BIRC6: variants seen among roughly 807,000 people sequenced by gnomAD.
The protein encoded by BIRC6 is dual E2 ubiquitin-conjugating enzyme/E3 ubiquitin-protein ligase BIRC6.
A neutral mutation model predicts 503.3 loss-of-function variants in BIRC6; 98 were observed. That is an observed-to-expected ratio of 0.19 (90% CI 0.17 to 0.23). BIRC6 has a LOEUF of 0.23. BIRC6 is among the 10% of genes least tolerant of loss of function. The probability of loss-of-function intolerance (pLI) is 1.00; values close to 1 mark genes in which losing one functional copy is unlikely to be tolerated. For missense variants in BIRC6, 5,360 were observed against 5,806.0 expected (o/e 0.92, Z 2.50); for synonymous variants, 2,240 against 2,078.7 (o/e 1.08, Z -2.11).
chr2:32,509,916 C>T lies in BIRC6; in HGVS notation c.10159C>T (p.Leu3387=), dbSNP rs777785899. The T allele has an allele frequency of 6.2e-7, 1 of 1,613,956 alleles. No homozygotes were observed. Among genetic ancestry groups the T allele is most frequent in the Non-Finnish European group, 8.5e-7 (1 of 1,179,872 alleles). ...CGAGGTTGTGCTTGTAAAGATAGGA[C>T]TGCAGTCTACTAGAATTGGCCTGAA... ...NIEVVLVKIG[L]QSTRIGLKLI... The change falls in exon 52 of 74, where the codon CTG becomes TTG. Residue 3387 remains leucine, a synonymous_variant. Transcript: ENST00000421745.
chr2:32,575,404 C>T (rs770856511), intron 66 of BIRC6, 38 bp downstream of exon 66: 3 of 1,584,040 alleles, frequency 1.9e-6, no homozygotes, highest in Non-Finnish European at 2.6e-6. Context: ...GAGTTTGCCT[C>T]TAACAATGTT....
chr2:32,585,195 G>C (rs1310093779), intron 66 of BIRC6, among the ~76,000 whole-genome samples: 1 of 152,102 alleles, frequency 6.6e-6, no homozygotes. Flanking sequence ...GACAACCTGT[G>C]AAAAGATGTT....
At chr2:32,422,706 TCTAA>T (rs1195157801) in intron 10 of BIRC6, among the ~76,000 whole-genome samples, 4 of 152,206 alleles carry the variant, frequency 2.6e-5, no homozygotes, top group African/African-American at 7.2e-5. Context: ...GATACCAAAC[TCTAA>T]CTAGTTTTGG....
chr2:32,468,518 G>T lies in BIRC6; in HGVS notation c.5862G>T (p.Gln1954His). The change falls in exon 29 of 74, where the codon CAG becomes CAT. Residue 1954 changes from glutamine (Q) to histidine (H), a missense_variant. Coordinates refer to ENST00000421745, the MANE Select transcript of BIRC6 (RefSeq NM_016252.4). Reference sequence around the variant, plus strand: ...CTCTAAACAGTGCTAACAATGCACAGTACTTTTTACGAAAACCAGATAAGG... The same window carrying T: ...CTCTAAACAGTGCTAACAATGCACATTACTTTTTACGAAAACCAGATAAGG... ...LPPLNSANNAQYFLRKPDKAV... is the reference protein window; with the variant it reads ...LPPLNSANNAHYFLRKPDKAV... 1 of 1,613,978 alleles carries T rather than the reference G, an allele frequency of 6.2e-7. No individual in the cohort carries two copies. Among genetic ancestry groups the T allele is most frequent in the Non-Finnish European group, 8.5e-7 (1 of 1,179,876 alleles).
chr2:32,547,258 C>A (rs567652263), intron 63 of BIRC6, among the ~76,000 whole-genome samples: 1 of 152,188 alleles, frequency 6.6e-6, no homozygotes, highest in South Asian at 2.1e-4. Context: ...ACTTTTTAGG[C>A]TCTAAGGTGG....
At chr2:32,489,033 T>A (rs947351828) in intron 42 of BIRC6, among the ~76,000 whole-genome samples, 26 of 152,128 alleles carry the variant, frequency 1.7e-4, no homozygotes, top group Admixed American at 3.9e-4. Flanking sequence ...TTTTATTATT[T>A]TTTTTTTTCA....
Position 32,473,134 on chromosome 2 carries a change from C to A in BIRC6, c.6615C>A (p.Asn2205Lys). 1 of 1,577,796 alleles carries A rather than the reference C, an allele frequency of 6.3e-7. No homozygotes were observed. The highest frequency in any genetic ancestry group is 8.6e-7 in the Non-Finnish European group (1 of 1,160,270). Reference protein sequence around the residue: ...PLNGNQWSFINNNLHTQSLNR... With the variant: ...PLNGNQWSFIKNNLHTQSLNR... The stretch of plus-strand genomic sequence containing the variant: ...TAGGTAATCAGTGGAGTTTTATTAA[C>A]AATAATCTACACACTCAGAGCTTAA... Residue 2205 changes from asparagine to lysine, a missense_variant, in exon 33 of 74, where the codon AAC (asparagine) becomes AAA (lysine). Asn to Lys is a moderately conservative substitution (Grantham distance 94). Transcript: ENST00000421745.
chr2:32,366,378 T>C (rs553296786), intron 1 of BIRC6, among the ~76,000 whole-genome samples: 67 of 152,304 alleles, frequency 4.4e-4, no homozygotes, highest in African/African-American at 1.6e-3. Flanking sequence ...TCTTTTTGGA[T>C]TTGTTCAATA....
At position 32,469,499 on chromosome 2, in the gene BIRC6, A is replaced by T; in HGVS notation, c.6232A>T (p.Thr2078Ser). The change falls in exon 30 of 74, where the codon ACT becomes TCT. Residue 2078 changes from threonine (T) to serine (S), a missense_variant. By Grantham distance (58) the Thr-to-Ser change is moderately conservative. Coordinates refer to ENST00000421745, the MANE Select transcript of BIRC6 (RefSeq NM_016252.4). ...TGGAACCCCAAAGATACGGTTACAT[A>T]CTGGTCTTCTTCTTGTTCAACTGTG... ...ISGTPKIRLH[T>S]GLLLVQLCGG... The T allele has an allele frequency of 1.2e-6, 2 of 1,613,900 alleles. No individual in the cohort carries two copies. Among genetic ancestry groups the T allele is most frequent in the Non-Finnish European group, 1.7e-6 (2 of 1,179,804 alleles).
intron 72 of BIRC6, 23 bp downstream of exon 72, chr2:32,607,666 A>G: frequency 6.4e-7 from 1 of 1,569,900 alleles, no homozygotes; most frequent in South Asian, 1.2e-5. Context: ...AAATTAGTGA[A>G]ATACTTTGTT....
chr2:32,606,600 T>G (rs1241632257), intron 71 of BIRC6, among the ~76,000 whole-genome samples: 1 of 151,454 alleles, frequency 6.6e-6, no homozygotes, highest in Non-Finnish European at 1.5e-5. Flanking sequence ...CTCAAAGAAA[T>G]AAATAAGAAT....
In BIRC6 at chr2:32,442,564, T is replaced by C. The variant is rs574780306; in HGVS notation, c.4238+109T>C. The C allele has an allele frequency of 1.1e-3, 1,384 of 1,233,128 alleles. 7 individuals are homozygous for C. Among genetic ancestry groups the C allele is most frequent in the Middle Eastern group, 7.8e-3 (36 of 4,588 alleles). The allele number at this position is 1,233,128 out of a possible 1,614,324, so 76.4% of individuals were successfully genotyped here. A position where few individuals can be genotyped will look rare whatever the true frequency, so the allele number is the denominator to read the frequency against. Reference sequence around the variant, plus strand: ...ATCCTTGTTTAATGTATGTATAATTTAAGAGAATTTCAAAAGTTGATGAAG... The same window carrying C: ...ATCCTTGTTTAATGTATGTATAATTCAAGAGAATTTCAAAAGTTGATGAAG... On this transcript the variant is annotated intron_variant, in intron 19 of 73. Transcript: ENST00000421745.
At chr2:32,418,787 TA>T (rs1286960238) in intron 10 of BIRC6, among the ~76,000 whole-genome samples, 2 of 152,126 alleles carry the variant, frequency 1.3e-5, no homozygotes, top group African/African-American at 4.8e-5. Context: ...TTTTAGCATT[TA>T]AATAAAAGTA....
chr2:32,442,292 G>C (rs770714980), intron 18 of BIRC6, 32 bp from the exon 19 acceptor site: 12 of 1,610,442 alleles, frequency 7.5e-6, no homozygotes, highest in Admixed American at 6.7e-5. Flanking sequence ...GAAAGTTCAG[G>C]ATGAGTCTAA....
At chr2:32,576,472 A>T (rs904337315) in intron 66 of BIRC6, among the ~76,000 whole-genome samples, 1 of 152,174 alleles carries the variant, frequency 6.6e-6, no homozygotes, top group African/African-American at 2.4e-5. Context: ...AGATGGCCTA[A>T]TTCTGAATTT....
chr2:32,404,729 A>G (rs1485745990), intron 8 of BIRC6, among the ~76,000 whole-genome samples: 1 of 151,704 alleles, frequency 6.6e-6, no homozygotes, highest in African/African-American at 2.4e-5. Flanking sequence ...ACCCGGGCTC[A>G]CGGCTCACTG....
intron 53 of BIRC6, among the ~76,000 whole-genome samples, chr2:32,511,028 C>A (rs1189843909): frequency 6.6e-6 from 1 of 152,026 alleles, no homozygotes; most frequent in Non-Finnish European, 1.5e-5. Context: ...GTTGGTACTT[C>A]AACTGTTTTT....
intron 33 of BIRC6, among the ~76,000 whole-genome samples, chr2:32,474,357 T>C (rs553293902): frequency 3.3e-5 from 5 of 152,332 alleles, no homozygotes; most frequent in Admixed American, 2.0e-4. Flanking sequence ...TAGTAATTTG[T>C]ATCTTTTAAT....
At chr2:32,378,981 G>A (rs1378982884) in intron 2 of BIRC6, 4 of 152,104 alleles carry the variant, frequency 2.6e-5, no homozygotes, top group African/African-American at 7.2e-5. Context: ...ATTATGTTGT[G>A]TTCTATAATA....
Sources: allele counts gnomAD v4.1 joint callset (sites outside exome capture counted in the v4.1 genomes callset), GRCh38; gene constraint gnomAD v4.1.1; transcripts MANE v1.5; gene names NCBI Gene and HGNC (gene_info 2026-07-23, HGNC 2026-07-21).